Variants in GLMN observed in about 807,000 individuals in gnomAD.
The protein encoded by GLMN is glomulin.
GLMN carries 75 observed loss-of-function variants against 87.8 expected under a neutral mutation model. The ratio of observed to expected loss-of-function variants is 0.85; its 90% confidence interval spans 0.71 to 1.04. GLMN has a LOEUF of 1.04. Ranked by LOEUF, GLMN falls within the 50% of genes least tolerant of loss-of-function variation. GLMN has a pLI of 0.00. For missense variants in GLMN, 588 were observed against 658.8 expected (o/e 0.89, Z 1.18); for synonymous variants, 206 against 221.6 (o/e 0.93, Z 0.63).
chr1:92,307,254 G>A, the GLMN span: 1 of 1,610,984 alleles, frequency 6.2e-7, no homozygotes, highest in South Asian at 1.1e-5. Flanking sequence ...CAAAACTCCA[G>A]TATGGGTTCG....
intron 8 of GLMN, among the ~76,000 whole-genome samples, chr1:92,270,308 C>T (rs927119089): frequency 1.3e-5 from 2 of 152,164 alleles, no homozygotes; most frequent in African/African-American, 4.8e-5. Flanking sequence ...GAATGTGATG[C>T]TTAAGAGTAT....
chr1:92,365,103 G>T, the GLMN span, among the ~76,000 whole-genome samples: 1 of 152,072 alleles, frequency 6.6e-6, no homozygotes. Flanking sequence ...TCAAGATCCA[G>T]TTCAAATGTT....
intron 3 of GLMN, 52 bp from the exon 4 acceptor site, chr1:92,291,589 G>T: frequency 1.3e-6 from 2 of 1,582,358 alleles, no homozygotes; most frequent in Non-Finnish European, 1.7e-6. Flanking sequence ...TAGGACTCTC[G>T]CAGTGTGCTT....
intron 3 of GLMN, among the ~76,000 whole-genome samples, chr1:92,296,051 A>C (rs1650010536): frequency 6.6e-6 from 1 of 152,184 alleles, no homozygotes; most frequent in African/African-American, 2.4e-5. Context: ...TATTTTAATA[A>C]AAAATAAGAA....
At chr1:92,301,109 A>G (rs1650823913), upstream of GLMN, among the ~76,000 whole-genome samples, 1 of 152,216 alleles carries the variant, frequency 6.6e-6, no homozygotes, top group South Asian at 2.1e-4. Flanking sequence ...CAAAGAGTAT[A>G]TAAAGACTTA....
chr1:92,302,963 C>G (rs1435192597), upstream of GLMN, among the ~76,000 whole-genome samples: 6 of 151,928 alleles, frequency 3.9e-5, no homozygotes, highest in Non-Finnish European at 7.4e-5. Flanking sequence ...CTTTGGGAAG[C>G]CAAGGCGGTA....
intron 15 of GLMN, among the ~76,000 whole-genome samples, chr1:92,263,341 T>A (rs1655248148): frequency 6.6e-6 from 1 of 152,202 alleles, no homozygotes; most frequent in Non-Finnish European, 1.5e-5. Context: ...GATTTTTAGT[T>A]TTAAGTCACA....
At chr1:92,293,210 C>T (rs182948229) in intron 3 of GLMN, among the ~76,000 whole-genome samples, 164 of 152,176 alleles carry the variant, frequency 1.1e-3, no homozygotes, top group African/African-American at 3.9e-3. Flanking sequence ...TGAAAAGGTA[C>T]GCATCATTAT....
the GLMN span, among the ~76,000 whole-genome samples, chr1:92,320,387 C>T: frequency 5.1e-3 from 773 of 152,266 alleles, no homozygotes; most frequent in African/African-American, 0.017. Context: ...ATTCTCCTGC[C>T]TCAGCCTCCT....
At chr1:92,258,963 T>C (rs1299484094) in intron 16 of GLMN, among the ~76,000 whole-genome samples, 4 of 152,174 alleles carry the variant, frequency 2.6e-5, no homozygotes, top group African/African-American at 9.7e-5. Flanking sequence ...TGTATGTGTA[T>C]TTATTATACA....
chr1:92,303,679 C>A (rs1651019376), upstream of GLMN, among the ~76,000 whole-genome samples: 5 of 152,118 alleles, frequency 3.3e-5, no homozygotes, highest in Non-Finnish European at 5.9e-5. Context: ...ATAGCTATAG[C>A]ATCACTTCTT....
the GLMN span, among the ~76,000 whole-genome samples, chr1:92,318,647 T>G: frequency 6.6e-6 from 1 of 152,232 alleles, no homozygotes; most frequent in African/African-American, 2.4e-5. Flanking sequence ...GGCTCTCATT[T>G]CTCTGCCTCA....
the GLMN span, among the ~76,000 whole-genome samples, chr1:92,352,665 T>A: frequency 6.6e-6 from 1 of 152,228 alleles, no homozygotes; most frequent in Non-Finnish European, 1.5e-5. Flanking sequence ...ATTTTTATAT[T>A]TAACTGAGCT....
chr1:92,264,672 T>C, intron 13 of GLMN, 34 bp from the exon 14 acceptor site: 5 of 1,077,814 alleles, frequency 4.6e-6, no homozygotes, highest in Non-Finnish European at 7.2e-6. Flanking sequence ...TGTGAAATTA[T>C]CCTGGACAGC....
At position 92,298,931 on chromosome 1, in the gene GLMN, G is replaced by C; in HGVS notation, c.-37C>G. 1 of 478,620 alleles carries C rather than the reference G, an allele frequency of 2.1e-6. No individual in the cohort carries two copies. Among genetic ancestry groups the C allele is most frequent in the Non-Finnish European group, 3.7e-6 (1 of 268,928 alleles). 29.6% of individuals were successfully genotyped at this position (478,620 alleles called of 1,614,324 possible). On this transcript the variant is annotated 5_prime_UTR_variant, in exon 1 of 19. Coordinates refer to ENST00000370360, the MANE Select transcript of GLMN (RefSeq NM_053274.3). ...TCTCCACAACTCCACTTACCGGCCA[G>C]AACCCTCGCCTCTCCCAGCCGCCGC...
the GLMN span, among the ~76,000 whole-genome samples, chr1:92,315,725 A>G: frequency 6.6e-6 from 1 of 152,198 alleles, no homozygotes; most frequent in African/African-American, 2.4e-5. Flanking sequence ...CCATACTTTT[A>G]TAAGGTTTTG....
At chr1:92,324,040 T>C in the GLMN span, 8 of 1,613,740 alleles carry the variant, frequency 5.0e-6, no homozygotes, top group East Asian at 1.8e-4. Context: ...GAAGGAGACT[T>C]TGATTGAGTG....
At chr1:92,302,675 C>T (rs978720460), upstream of GLMN, among the ~76,000 whole-genome samples, 1 of 132,564 alleles carries the variant, frequency 7.5e-6, no homozygotes, top group African/African-American at 2.8e-5. Flanking sequence ...GATCTCTGCT[C>T]ACTGCAAGCT....
At chr1:92,326,302 C>G in the GLMN span, among the ~76,000 whole-genome samples, 1 of 152,132 alleles carries the variant, frequency 6.6e-6, no homozygotes, top group Non-Finnish European at 1.5e-5. Context: ...CTTGGATAAT[C>G]TCTTAGGTCA....
Sources: gnomAD v4.1 joint callset for allele counts (sites outside exome capture counted in the v4.1 genomes callset) on GRCh38, gnomAD v4.1.1 for gene constraint, MANE v1.5 for transcripts, NCBI Gene and HGNC (gene_info 2026-07-23, HGNC 2026-07-21) for gene names.